Variants in RPA1 observed in about 807,000 individuals in gnomAD.
The protein encoded by RPA1 is replication protein A 70 kDa DNA-binding subunit.
A neutral mutation model predicts 83.0 loss-of-function variants in RPA1; 49 were observed. The observed-to-expected ratio is 0.59, with a 90% CI of 0.47 to 0.75. The LOEUF (loss-of-function observed/expected upper bound fraction) is 0.75. Ranked by LOEUF, RPA1 falls within the 30% of genes least tolerant of loss-of-function variation. RPA1 has a pLI of 0.00. For missense variants in RPA1, 693 were observed against 776.1 expected (o/e 0.89, Z 1.27); for synonymous variants, 279 against 281.8 (o/e 0.99, Z 0.10).
At chr17:1,880,037 A>T (rs1263331411) in intron 11 of RPA1, among the ~76,000 whole-genome samples, 1 of 138,040 alleles carries the variant, frequency 7.2e-6, no homozygotes, top group Non-Finnish European at 1.5e-5. Flanking sequence ...TTCCTATAGG[A>T]TGGGGCCTTC....
chr17:1,838,846 T>A (rs1281826468), intron 1 of RPA1, among the ~76,000 whole-genome samples: 1 of 152,146 alleles, frequency 6.6e-6, no homozygotes, highest in Non-Finnish European at 1.5e-5. Context: ...TTTATTTATT[T>A]ATTTTTTTAA....
At chr17:1,849,412 C>G (rs1006994741) in intron 4 of RPA1, among the ~76,000 whole-genome samples, 1 of 151,400 alleles carries the variant, frequency 6.6e-6, no homozygotes, top group South Asian at 2.1e-4. Context: ...CCTGCCTCAG[C>G]CTCCCCAGTA....
intron 4 of RPA1, among the ~76,000 whole-genome samples, chr17:1,848,093 G>A (rs997677527): frequency 2.0e-5 from 3 of 152,284 alleles, no homozygotes; most frequent in East Asian, 1.9e-4. Flanking sequence ...AGAGTGTGGA[G>A]TGACTGTCAT....
chr17:1,853,212 G>A (rs1015047904), intron 5 of RPA1, 23 bp downstream of exon 5: 9 of 1,567,052 alleles, frequency 5.7e-6, no homozygotes, highest in African/African-American at 2.7e-5. Flanking sequence ...GGCGTAGGTT[G>A]TAGCACTCAA....
At chr17:1,832,922 G>GTGTT (rs201795072) in intron 1 of RPA1, among the ~76,000 whole-genome samples, 7 of 151,636 alleles carry the variant, frequency 4.6e-5, no homozygotes, top group East Asian at 1.9e-4. Flanking sequence ...TAAAATTATT[G>GTGTT]TGTTTGTTTG....
intron 4 of RPA1, among the ~76,000 whole-genome samples, chr17:1,850,098 G>A (rs1912430666): frequency 6.6e-6 from 1 of 151,706 alleles, no homozygotes; most frequent in African/African-American, 2.4e-5. Context: ...CTTGAACCCG[G>A]GAGATGGAGG....
chr17:1,874,012 A>AAAAAATATATATATATATATAT (rs1555592994), intron 6 of RPA1, among the ~76,000 whole-genome samples: 1 of 93,842 alleles, frequency 1.1e-5, no homozygotes, highest in Admixed American at 1.3e-4. Flanking sequence ...AAAAAAAAAA[A>AAAAAATATATATATATATATAT]ATATATATAT....
intron 13 of RPA1, 122 bp from the exon 14 acceptor site, chr17:1,888,553 G>A (rs557684188): frequency 2.2e-5 from 19 of 877,792 alleles, no homozygotes; most frequent in South Asian, 3.8e-5. Context: ...GTGATCATGT[G>A]TAATCTTGAG....
Position 1,844,606 on chromosome 17 carries a change from T to C in RPA1, c.192T>C (p.Pro64=). The part of the protein sequence containing the change: ...SSFMLATQLN[P]LVEEEQLSSN... ...TCATGTTGGCGACACAGTTGAACCC[T>C]CTCGTGGAGGAAGAACAATTGTCCA... Residue 64 remains proline, a synonymous_variant, in exon 4 of 17, where the codon CCT becomes CCC. Coordinates refer to ENST00000254719, the MANE Select transcript of RPA1 (RefSeq NM_002945.5). 16 of 1,613,556 alleles carry C rather than the reference T, an allele frequency of 9.9e-6. No individual in the cohort carries two copies. The highest frequency in any genetic ancestry group is 1.4e-5 in the Non-Finnish European group (16 of 1,179,828).
intron 1 of RPA1, among the ~76,000 whole-genome samples, chr17:1,830,897 C>A (rs1911537156): frequency 6.6e-6 from 1 of 151,934 alleles, no homozygotes; most frequent in East Asian, 1.9e-4. Context: ...TCCCGAGTAG[C>A]TGGGACTACA....
chr17:1,874,012 A>AAAAAAAT (rs1555592994), intron 6 of RPA1, among the ~76,000 whole-genome samples: 1 of 93,864 alleles, frequency 1.1e-5, no homozygotes, highest in Non-Finnish European at 1.9e-5. Context: ...AAAAAAAAAA[A>AAAAAAAT]ATATATATAT....
At chr17:1,889,043 C>A (rs1190836347) in intron 14 of RPA1, among the ~76,000 whole-genome samples, 192 bp downstream of exon 14, 1 of 152,098 alleles carries the variant, frequency 6.6e-6, no homozygotes, top group African/African-American at 2.4e-5. Flanking sequence ...CTGATTCAGT[C>A]TTTCATGCAC....
chr17:1,893,516 C>T (rs866728310), intron 15 of RPA1, among the ~76,000 whole-genome samples: 19 of 152,134 alleles, frequency 1.2e-4, no homozygotes, highest in South Asian at 6.2e-4. Context: ...GCTTTCACGC[C>T]GTGCGTGACT....
intron 13 of RPA1, among the ~76,000 whole-genome samples, chr17:1,888,450 C>G (rs1914075006): frequency 6.6e-6 from 1 of 152,210 alleles, no homozygotes; most frequent in Non-Finnish European, 1.5e-5. Flanking sequence ...TTATCTGCCT[C>G]AGAACTTGGC....
intron 4 of RPA1, among the ~76,000 whole-genome samples, chr17:1,846,041 T>C (rs1241767294): frequency 6.6e-6 from 1 of 152,238 alleles, no homozygotes; most frequent in East Asian, 1.9e-4. Flanking sequence ...TTTAGGACTC[T>C]TACATTTTCT....
chr17:1,861,856 C>T (rs144657883), intron 5 of RPA1, among the ~76,000 whole-genome samples: 369 of 152,102 alleles, frequency 2.4e-3, no homozygotes, highest in Middle Eastern at 0.01. Flanking sequence ...TCCTCAGTAG[C>T]TGGGATTACA....
intron 5 of RPA1, among the ~76,000 whole-genome samples, chr17:1,858,793 C>T (rs968503063): frequency 4.6e-5 from 7 of 151,838 alleles, no homozygotes; most frequent in African/African-American, 1.7e-4. Context: ...AGATCTTGTT[C>T]TTGATATCTA....
At chr17:1,878,002 G>A (rs1913633477) in intron 8 of RPA1, among the ~76,000 whole-genome samples, 1 of 152,212 alleles carries the variant, frequency 6.6e-6, no homozygotes. Context: ...AGGCCAGGGT[G>A]CACAGATCAC....
At position 1,830,085 on chromosome 17, in the gene RPA1, G is replaced by A. The variant is rs1027411932; in HGVS notation, c.-9G>A. 3 of 1,250,192 alleles carry A rather than the reference G, an allele frequency of 2.4e-6. No individual in the cohort carries two copies. The highest frequency in any genetic ancestry group is 3.0e-6 in the Non-Finnish European group (3 of 988,688). The allele number at this position is 1,250,192 out of a possible 1,614,324, so 77.4% of individuals were successfully genotyped here. ...GCGGGGTCCGCGGGGAAGTCTTGGC[G>A]GTGGAGCCATGGTCGGCCAACTGAG... On this transcript the variant is annotated 5_prime_UTR_variant, in exon 1 of 17. Coordinates refer to ENST00000254719, the MANE Select transcript of RPA1 (RefSeq NM_002945.5).
Sources: allele counts gnomAD v4.1 joint callset (sites outside exome capture counted in the v4.1 genomes callset), GRCh38; gene constraint gnomAD v4.1.1; transcripts MANE v1.5; gene names NCBI Gene and HGNC (gene_info 2026-07-23, HGNC 2026-07-21).